Variants in ARHGAP42 observed in about 807,000 individuals in gnomAD.
ARHGAP42 encodes the protein rho GTPase-activating protein 42.
ARHGAP42 carries 63 observed loss-of-function variants against 125.0 expected under a neutral mutation model. The observed-to-expected ratio is 0.50, with a 90% CI of 0.41 to 0.62. The LOEUF is 0.62. ARHGAP42 is among the 20% of genes least tolerant of loss of function. ARHGAP42 has a pLI of 0.00. For synonymous variants in ARHGAP42, 339 were observed against 351.0 expected (o/e 0.97, Z 0.38); for missense variants, 766 against 1,024.2 (o/e 0.75, Z 3.44).
At chr11:100,942,776 CAT>C in intron 9 of ARHGAP42, among the ~76,000 whole-genome samples, 1 of 151,674 alleles carries the variant, frequency 6.6e-6, no homozygotes, top group East Asian at 2.0e-4. Flanking sequence ...AACTGAAAGA[CAT>C]AAAATAAAGG....
chr11:100,850,489 C>G (rs1409151179), intron 3 of ARHGAP42, among the ~76,000 whole-genome samples: 1 of 152,150 alleles, frequency 6.6e-6, no homozygotes, highest in Non-Finnish European at 1.5e-5. Flanking sequence ...TATGGGACCT[C>G]TGTAGTATAT....
chr11:100,689,739 T>C (rs980046779), intron 1 of ARHGAP42, among the ~76,000 whole-genome samples: 4 of 152,220 alleles, frequency 2.6e-5, no homozygotes, highest in African/African-American at 9.6e-5. Context: ...GAGAGTGTAT[T>C]ACTTTAACTA....
At chr11:100,879,168 A>G (rs2197145) in intron 4 of ARHGAP42, among the ~76,000 whole-genome samples, 16,069 of 152,174 alleles carry the variant, frequency 0.11, 872 homozygotes, top group African/African-American at 0.12. Flanking sequence ...TCAAATCAGT[A>G]TCTGCATTTT....
Position 100,713,161 on chromosome 11 carries a change from A to G in ARHGAP42, c.154+25329A>G, listed in dbSNP as rs373569710. The stretch of plus-strand genomic sequence containing the variant: ...TAGGTTTTAAGATTATTGAGAATAC[A>G]TTTCTGGCACAGGTTTAAGTAGAGA... On this transcript the variant is annotated intron_variant, in intron 1 of 23. Transcript: ENST00000298815. Among the ~76,000 whole-genome samples, 130 of 152,318 alleles carry G rather than the reference A, an allele frequency of 8.5e-4. 1 individual carries two copies. The highest frequency in any genetic ancestry group is 4.1e-3 in the South Asian group (20 of 4,832).
chr11:100,800,248 G>A (rs1320073470), intron 3 of ARHGAP42, among the ~76,000 whole-genome samples: 2 of 152,158 alleles, frequency 1.3e-5, no homozygotes, highest in African/African-American at 2.4e-5. Flanking sequence ...TTGGTTAAGT[G>A]TAGCAATAAT....
At chr11:100,935,985 G>T (rs890583579) in intron 7 of ARHGAP42, among the ~76,000 whole-genome samples, 1 of 152,066 alleles carries the variant, frequency 6.6e-6, no homozygotes, top group Non-Finnish European at 1.5e-5. Flanking sequence ...TAGCCAGTGT[G>T]GTGGTGTGTG....
intron 4 of ARHGAP42, among the ~76,000 whole-genome samples, chr11:100,909,353 T>TA (rs1478071669): frequency 6.7e-6 from 1 of 150,254 alleles, no homozygotes; most frequent in East Asian, 1.9e-4. Context: ...TTTTTTTTTT[T>TA]TTTCTTTTTG....
intron 1 of ARHGAP42, among the ~76,000 whole-genome samples, chr11:100,769,718 T>A (rs1262780319): frequency 6.5e-5 from 2 of 30,586 alleles, no homozygotes; most frequent in South Asian, 2.3e-3. Context: ...CCTTCTTTTT[T>A]TTTTTTTTTT....
At chr11:100,808,953 CTG>C (rs1333914313) in intron 3 of ARHGAP42, among the ~76,000 whole-genome samples, 1 of 152,106 alleles carries the variant, frequency 6.6e-6, no homozygotes. Context: ...TGTGATTTAT[CTG>C]TGTGTCACCC....
intron 4 of ARHGAP42, among the ~76,000 whole-genome samples, chr11:100,870,057 A>G (rs1865662816): frequency 6.6e-6 from 1 of 152,190 alleles, no homozygotes; most frequent in East Asian, 1.9e-4. Flanking sequence ...CATTCTTGAC[A>G]TCTATGTGAA....
intron 1 of ARHGAP42, among the ~76,000 whole-genome samples, chr11:100,689,720 G>A (rs1861154614): frequency 6.6e-6 from 1 of 152,274 alleles, no homozygotes; most frequent in East Asian, 1.9e-4. Context: ...GGATTCTTAA[G>A]TTTGTGGTGA....
chr11:100,749,455 T>TC (rs1335085137), intron 1 of ARHGAP42, among the ~76,000 whole-genome samples: 1 of 134,722 alleles, frequency 7.4e-6, no homozygotes, highest in African/African-American at 2.9e-5. Context: ...CCCGGAAGGC[T>TC]AACCCCTCAA....
chr11:100,745,009 G>A (rs1836972041), intron 1 of ARHGAP42, among the ~76,000 whole-genome samples: 1 of 151,616 alleles, frequency 6.6e-6, no homozygotes, highest in Non-Finnish European at 1.5e-5. Context: ...AACTAATTAC[G>A]ATTGGCTAAT....
rs151121222 is a variant in ARHGAP42, at chr11:100,942,596, C to T, written c.933+712C>T. On this transcript the variant is annotated intron_variant, in intron 9 of 23. Coordinates refer to ENST00000298815, the MANE Select transcript of ARHGAP42 (RefSeq NM_152432.4). ...GGGAGTTACACTAGAGATAATTAGT[C>T]CAGCCTTATTTTAACAGATTAGGAA... is the stretch of plus-strand genomic sequence containing the variant. Among the ~76,000 whole-genome samples the T allele has an allele frequency of 4.6e-5, 7 of 152,166 alleles. No individual in the cohort carries two copies. The East Asian group carries it at 1.4e-3, about 30-fold the overall frequency.
At chr11:100,813,175 A>ATT (rs1272477576) in intron 3 of ARHGAP42, among the ~76,000 whole-genome samples, 56 of 152,020 alleles carry the variant, frequency 3.7e-4, no homozygotes, top group Admixed American at 3.0e-3. Context: ...GGATTTCTCC[A>ATT]CCTCAGCACT....
At chr11:100,919,642 T>G (rs1269255452) in intron 5 of ARHGAP42, among the ~76,000 whole-genome samples, 1 of 152,044 alleles carries the variant, frequency 6.6e-6, no homozygotes, top group Non-Finnish European at 1.5e-5. Context: ...GCTCAAGCAG[T>G]CCTCCCACGT....
At chr11:100,759,929 G>A (rs1007325178) in intron 1 of ARHGAP42, among the ~76,000 whole-genome samples, 1 of 152,088 alleles carries the variant, frequency 6.6e-6, no homozygotes, top group African/African-American at 2.4e-5. Flanking sequence ...ATACCATAAG[G>A]CACCCAACAT....
intron 4 of ARHGAP42, among the ~76,000 whole-genome samples, chr11:100,892,543 AG>A (rs1409465335): frequency 6.6e-6 from 1 of 152,220 alleles, no homozygotes; most frequent in African/African-American, 2.4e-5. Context: ...TTTGGTATAA[AG>A]AAACCATTCT....
intron 22 of ARHGAP42, among the ~76,000 whole-genome samples, chr11:100,982,155 A>AG (rs1858560778): frequency 6.6e-6 from 1 of 152,234 alleles, no homozygotes; most frequent in Admixed American, 6.5e-5. Context: ...ACGTTCAGAC[A>AG]GAGAAGAATG....
Sources: allele counts gnomAD v4.1 joint callset (sites outside exome capture counted in the v4.1 genomes callset), GRCh38; gene constraint gnomAD v4.1.1; transcripts MANE v1.5; gene names NCBI Gene and HGNC (gene_info 2026-07-23, HGNC 2026-07-21).